The following ZYG11B variants were observed in gnomAD, a reference collection of about 807,000 sequenced individuals.
The protein encoded by ZYG11B is zyg-11 family member B, cell cycle regulator.
A neutral mutation model predicts 82.4 loss-of-function variants in ZYG11B; 36 were observed. The observed-to-expected ratio is 0.44, with a 90% CI of 0.33 to 0.58. ZYG11B has a LOEUF of 0.58. ZYG11B is among the 20% of genes least tolerant of loss of function. The pLI, the probability that ZYG11B is intolerant of heterozygous loss-of-function variation, is 0.02. For missense variants in ZYG11B, 552 were observed against 895.6 expected (o/e 0.62, Z 4.90); for synonymous variants, 303 against 312.8 (o/e 0.97, Z 0.33).
At chr1:52,798,726 A>G (rs1558138347) in intron 8 of ZYG11B, among the ~76,000 whole-genome samples, 1 of 152,212 alleles carries the variant, frequency 6.6e-6, no homozygotes, top group Admixed American at 6.5e-5. Flanking sequence ...GGGGAAGCAG[A>G]TACATGATTT....
chr1:52,778,071 C>T (rs58151548), intron 3 of ZYG11B, among the ~76,000 whole-genome samples: 5,952 of 151,348 alleles, frequency 0.039, 365 homozygotes, highest in African/African-American at 0.13. Context: ...ATTACAGGCG[C>T]GAGCCACTAC....
At chr1:52,761,951 C>T (rs1353388024) in intron 2 of ZYG11B, among the ~76,000 whole-genome samples, 1 of 151,984 alleles carries the variant, frequency 6.6e-6, no homozygotes, top group East Asian at 1.9e-4. Flanking sequence ...ATTTGTTGGC[C>T]ATTTGTATGT....
chr1:52,797,423 C>A (rs34976620), intron 8 of ZYG11B, among the ~76,000 whole-genome samples: 2 of 91,834 alleles, frequency 2.2e-5, no homozygotes, highest in Non-Finnish European at 3.9e-5. Flanking sequence ...ATATATTATA[C>A]ATATTATATA....
Position 52,801,802 on chromosome 1 carries a change from G to GTTTT in ZYG11B, c.1486-7_1486-4dup. ...AGTTCAAAAGTGAAAACTTATTTCT[G>GTTTT]TTTTTTTTTTTTTCAGCAACTTCTT... On this transcript the variant is annotated splice_polypyrimidine_tract_variant and intron_variant, in intron 8 of 13. Transcript: ENST00000294353. 12 of 1,361,818 alleles carry GTTTT rather than the reference G, an allele frequency of 8.8e-6. No individual in the cohort carries two copies. The highest frequency in any genetic ancestry group is 5.4e-5 in the South Asian group (4 of 74,266). 84.4% of individuals were successfully genotyped at this position (1,361,818 alleles called of 1,614,324 possible).
In ZYG11B at chr1:52,779,837, C is replaced by A; in HGVS notation, c.952-16C>A. 1 of 1,610,242 alleles carries A rather than the reference C, an allele frequency of 6.2e-7. No individual in the cohort carries two copies. The highest frequency in any genetic ancestry group is 8.5e-7 in the Non-Finnish European group (1 of 1,179,054). On this transcript the variant is annotated splice_polypyrimidine_tract_variant and intron_variant, in intron 3 of 13. Transcript: ENST00000294353. ...AAGAGAGAGAATTCTAAAAGCTAATCTGGTTATGTTCACAGGTGTCTGGGG... is the reference window on the plus strand; with the variant it reads ...AAGAGAGAGAATTCTAAAAGCTAATATGGTTATGTTCACAGGTGTCTGGGG...
At chr1:52,787,864 A>G (rs1481131879) in intron 5 of ZYG11B, among the ~76,000 whole-genome samples, 1 of 152,022 alleles carries the variant, frequency 6.6e-6, no homozygotes, top group South Asian at 2.1e-4. Context: ...CTATTTTGAA[A>G]TTTTTTTAGC....
intron 3 of ZYG11B, among the ~76,000 whole-genome samples, chr1:52,773,623 A>ATTTTTTTTTT (rs1644775920): frequency 3.5e-5 from 1 of 28,788 alleles, no homozygotes; most frequent in Non-Finnish European, 6.5e-5. Context: ...ATATATATAT[A>ATTTTTTTTTT]TATATTTTTT....
chr1:52,815,022 G>A (rs1374459004), intron 12 of ZYG11B, among the ~76,000 whole-genome samples: 1 of 152,118 alleles, frequency 6.6e-6, no homozygotes, highest in Non-Finnish European at 1.5e-5. Flanking sequence ...GTGGGGCATG[G>A]TGGTGCACAC....
intron 2 of ZYG11B, among the ~76,000 whole-genome samples, chr1:52,762,778 C>T (rs1278932412): frequency 6.6e-6 from 1 of 151,558 alleles, no homozygotes; most frequent in Non-Finnish European, 1.5e-5. Context: ...GACAGGGTTT[C>T]ACCATGTTGG....
intron 2 of ZYG11B, among the ~76,000 whole-genome samples, chr1:52,765,296 G>A (rs953018019): frequency 6.6e-6 from 1 of 151,930 alleles, no homozygotes; most frequent in African/African-American, 2.4e-5. Context: ...TTGAACTCCT[G>A]GACTCAAGCA....
chr1:52,775,928 G>C (rs1168877618), intron 3 of ZYG11B, among the ~76,000 whole-genome samples: 1 of 151,464 alleles, frequency 6.6e-6, no homozygotes, highest in Non-Finnish European at 1.5e-5. Context: ...AAAACATAGA[G>C]GCAATGTCTG....
chr1:52,771,675 T>C lies in ZYG11B; in HGVS notation c.852T>C (p.Val284=). ...SGRKHVTDKA[V]EAFIQQRPSM... is the part of the protein sequence containing the mutation. The stretch of plus-strand genomic sequence containing the variant: ...GAAAGCACGTGACAGATAAAGCCGT[T>C]GAAGCCTTTATACAACAACGTCCAA... The change falls in exon 3 of 14, where the codon GTT becomes GTC. Residue 284 remains valine, a synonymous_variant. Transcript: ENST00000294353. The surrounding 1 kb of genome is among the most constrained non-coding windows in gnomAD (Gnocchi z 5.4). 6.2e-7 allele frequency: 1 copy of C among 1,614,256 alleles called. No individual in the cohort carries two copies. The highest frequency in any genetic ancestry group is 1.3e-5 in the African/African-American group (1 of 75,074).
At position 52,822,418 on chromosome 1, in the gene ZYG11B, G is replaced by T. The variant is rs187318553; in HGVS notation, c.*789G>T. 2 of 152,324 alleles carry T rather than the reference G, an allele frequency of 1.3e-5. No individual in the cohort carries two copies. Among genetic ancestry groups the T allele is most frequent in the Admixed American group, 1.3e-4 (2 of 15,294 alleles). The allele number at this position is 152,324 out of a possible 1,614,324, so 9.4% of individuals were successfully genotyped here. A position where few individuals can be genotyped will look rare whatever the true frequency, so the allele number is the denominator to read the frequency against. On this transcript the variant is annotated 3_prime_UTR_variant, in exon 14 of 14. Transcript: ENST00000294353. ...ACAGTATAAAATACTACAGCACTCT[G>T]TGTTAAAGACTAACTGTCTACATCT...
chr1:52,735,493 A>G (rs1195580915), intron 1 of ZYG11B, among the ~76,000 whole-genome samples: 3 of 152,170 alleles, frequency 2.0e-5, no homozygotes, highest in Admixed American at 6.5e-5. Context: ...TAACTAGGCA[A>G]GGGTGGAATG....
intron 10 of ZYG11B, among the ~76,000 whole-genome samples, chr1:52,808,134 G>A (rs892827706): frequency 8.5e-5 from 13 of 152,150 alleles, no homozygotes; most frequent in African/African-American, 2.2e-4. Flanking sequence ...AGGCCAAGGC[G>A]GGTGGATCAC....
rs920754602 is a variant in ZYG11B, at chr1:52,813,458, C to T, written c.1696-78C>T. On this transcript the variant is annotated intron_variant, in intron 10 of 13. Coordinates refer to ENST00000294353, the MANE Select transcript of ZYG11B (RefSeq NM_024646.3). ...TTCACCTTCCTGAATTGCCTGTTATCCAGGGCCTAAAAACAGTTATCTTAA... is the reference window on the plus strand; with the variant it reads ...TTCACCTTCCTGAATTGCCTGTTATTCAGGGCCTAAAAACAGTTATCTTAA... 1.2e-5 allele frequency: 13 copies of T among 1,129,372 alleles called. No homozygotes were observed. In the African/African-American group the frequency reaches 1.6e-4, roughly 14 times the overall value. The allele number at this position is 1,129,372 out of a possible 1,614,324, so 70.0% of individuals were successfully genotyped here.
chr1:52,788,256 G>A (rs1410946560), intron 5 of ZYG11B, among the ~76,000 whole-genome samples: 2 of 152,136 alleles, frequency 1.3e-5, no homozygotes, highest in African/African-American at 4.8e-5. Context: ...TACTTGCATA[G>A]TTCAGACTGT....
chr1:52,766,092 C>T (rs1222535259), intron 2 of ZYG11B, among the ~76,000 whole-genome samples: 1 of 146,146 alleles, frequency 6.8e-6, no homozygotes, highest in African/African-American at 2.5e-5. Context: ...TCATTTTTTT[C>T]TTTTTTTCCT....
At chr1:52,777,271 T>C (rs1177485199) in intron 3 of ZYG11B, among the ~76,000 whole-genome samples, 2 of 151,868 alleles carry the variant, frequency 1.3e-5, no homozygotes, top group African/African-American at 2.4e-5. Context: ...CTTTTATTAT[T>C]ATTTCAACAA....
Sources: allele counts gnomAD v4.1 joint callset (sites outside exome capture counted in the v4.1 genomes callset), GRCh38; gene constraint gnomAD v4.1.1; non-coding constraint Gnocchi (gnomAD v3.1); transcripts MANE v1.5; gene names NCBI Gene and HGNC (gene_info 2026-07-23, HGNC 2026-07-21).